COL4A1: variants seen among roughly 807,000 people sequenced by gnomAD.
COL4A1 encodes collagen alpha-1(IV) chain.
In COL4A1, 40 loss-of-function variants were observed where a neutral mutation model predicts 216.6. That is an observed-to-expected ratio of 0.18 (90% CI 0.14 to 0.24). The LOEUF (loss-of-function observed/expected upper bound fraction) is 0.24, where lower values mean the gene tolerates loss of function less well. COL4A1 is among the 10% of genes least tolerant of loss of function. COL4A1 has a pLI of 1.00. For synonymous variants in COL4A1, 839 were observed against 810.7 expected (o/e 1.03, Z -0.59); for missense variants, 1,628 against 2,196.8 (o/e 0.74, Z 5.18).
intron 2 of COL4A1, among the ~76,000 whole-genome samples, chr13:110,235,717 T>TAC (rs1371654948): frequency 1.3e-5 from 2 of 151,682 alleles, no homozygotes; most frequent in Non-Finnish European, 2.9e-5. Flanking sequence ...TAATTATTAT[T>TAC]CTTTAATAAT....
At chr13:110,289,730 A>AAT (rs1884008546) in intron 1 of COL4A1, among the ~76,000 whole-genome samples, 1 of 152,216 alleles carries the variant, frequency 6.6e-6, no homozygotes, top group African/African-American at 2.4e-5. Context: ...TTCAGGGCTA[A>AAT]ATACCAACAT....
intron 51 of COL4A1, 91 bp from the exon 52 acceptor site, chr13:110,150,535 G>C: frequency 7.7e-7 from 1 of 1,298,536 alleles, no homozygotes. Flanking sequence ...ATCTCTAAGG[G>C]ATCAGCCCAG....
chr13:110,298,605 C>G (rs903773515), intron 1 of COL4A1: 2 of 152,234 alleles, frequency 1.3e-5, no homozygotes, highest in African/African-American at 4.8e-5. Flanking sequence ...AACCACTAAC[C>G]TTCAACCGTC....
At chr13:110,169,821 C>G in intron 42 of COL4A1, 59 bp from the exon 43 acceptor site, 1 of 1,607,046 alleles carries the variant, frequency 6.2e-7, no homozygotes, top group Non-Finnish European at 8.5e-7. Context: ...TGTCCCTGGG[C>G]TGTGGGGCTA....
At position 110,294,521 on chromosome 13, in the gene COL4A1, A is replaced by G. The variant is rs373454306; in HGVS notation, c.84+12423T>C. 4.0e-4 allele frequency among the ~76,000 whole-genome samples: 61 copies of G among 152,352 alleles called. No individual in the cohort carries two copies. The East Asian group carries it at 7.9e-3, about 20-fold the overall frequency. ...GGCTAGCTGTACTTAATTCCCAGGGAAGAGAGAAGAGCTCTGCAAACCCAT... is the reference window on the plus strand; with the variant it reads ...GGCTAGCTGTACTTAATTCCCAGGGGAGAGAGAAGAGCTCTGCAAACCCAT... On this transcript the variant is annotated intron_variant, in intron 1 of 51. Transcript: ENST00000375820.
Position 110,150,105 on chromosome 13 carries a change from G to A in COL4A1, c.*258C>T. 3 of 509,158 alleles carry A rather than the reference G, an allele frequency of 5.9e-6. No homozygotes were observed. In the South Asian group the frequency reaches 6.0e-5, roughly 10 times the overall value. The allele number at this position is 509,158 out of a possible 1,614,324, so 31.5% of individuals were successfully genotyped here. On this transcript the variant is annotated 3_prime_UTR_variant, in exon 52 of 52. Transcript: ENST00000375820. ...ACTTCACACATCAGTGCATTGGATT[G>A]CAGAAAATATTGATATTTTATTTCA...
intron 1 of COL4A1, among the ~76,000 whole-genome samples, chr13:110,271,729 G>A (rs1883252126): frequency 6.6e-6 from 1 of 152,104 alleles, no homozygotes; most frequent in African/African-American, 2.4e-5. Flanking sequence ...GACACCGATG[G>A]GACAAAGGGC....
chr13:110,201,753 G>A (rs1044326162), intron 18 of COL4A1: 3 of 677,434 alleles, frequency 4.4e-6, no homozygotes, highest in African/African-American at 3.5e-5. Flanking sequence ...GGAGGCTGAG[G>A]CAGGTGGATC....
intron 44 of COL4A1, 87 bp downstream of exon 44, chr13:110,167,071 T>C (rs1877378343): frequency 1.9e-6 from 2 of 1,028,176 alleles, no homozygotes; most frequent in Admixed American, 3.4e-5. Flanking sequence ...AGCGGTGCTA[T>C]CAGTGCTAAG....
intron 21 of COL4A1, among the ~76,000 whole-genome samples, chr13:110,198,078 GGTGTGTGTGTGTGTGT>G (rs35751015): frequency 7.1e-6 from 1 of 141,842 alleles, no homozygotes; most frequent in Admixed American, 7.0e-5. Context: ...TTGTTTCTGG[GGTGTGTGTGTGTGTGT>G]GTGTGTGTGT....
chr13:110,149,661 G>T lies in COL4A1; in HGVS notation c.*702C>A, dbSNP rs568638168. 9 of 152,468 alleles carry T rather than the reference G, an allele frequency of 5.9e-5. 1 individual carries two copies. In the South Asian group the frequency reaches 1.9e-3, roughly 32 times the overall value. The allele number at this position is 152,468 out of a possible 1,614,324, so 9.4% of individuals were successfully genotyped here. A position where few individuals can be genotyped will look rare whatever the true frequency, so the allele number is the denominator to read the frequency against. ...ACTATGTAAGCTTTATTTTAACAGT[G>T]GAAGTTAAACTAAACCTTGATCTGC... On this transcript the variant is annotated 3_prime_UTR_variant, in exon 52 of 52. Transcript: ENST00000375820.
At chr13:110,191,501 C>T (rs375217076) in intron 24 of COL4A1, 1 of 473,272 alleles carries the variant, frequency 2.1e-6, no homozygotes, top group African/African-American at 2.0e-5. Flanking sequence ...AAATAATGTC[C>T]TTCAAAATTC....
chr13:110,259,229 G>A (rs1003456084), intron 1 of COL4A1, among the ~76,000 whole-genome samples: 3 of 152,168 alleles, frequency 2.0e-5, no homozygotes, highest in Admixed American at 6.5e-5. Context: ...CTCCTCTTCC[G>A]TCTAGCCTTA....
chr13:110,194,338 G>A (rs554381192), intron 22 of COL4A1, among the ~76,000 whole-genome samples: 1 of 152,332 alleles, frequency 6.6e-6, no homozygotes, highest in East Asian at 1.9e-4. Flanking sequence ...GTTGATTTGA[G>A]GGACAGCCTC....
At chr13:110,306,753 G>T (rs903249715) in intron 1 of COL4A1, among the ~76,000 whole-genome samples, 191 bp downstream of exon 1, 1 of 152,210 alleles carries the variant, frequency 6.6e-6, no homozygotes, top group Non-Finnish European at 1.5e-5. Context: ...TAACAAAGGA[G>T]GCTCGGTCCA....
In COL4A1 at chr13:110,150,231, A is replaced by G. The variant is rs2138415255; in HGVS notation, c.*132T>C. 1 of 862,986 alleles carries G rather than the reference A, an allele frequency of 1.2e-6. No homozygotes were observed. The highest frequency in any genetic ancestry group is 1.4e-5 in the South Asian group (1 of 70,008). The allele number at this position is 862,986 out of a possible 1,614,324, so 53.5% of individuals were successfully genotyped here. On this transcript the variant is annotated 3_prime_UTR_variant, in exon 52 of 52. Coordinates refer to ENST00000375820, the MANE Select transcript of COL4A1 (RefSeq NM_001845.6). ...GAAGCAGGGTGTGTTAGTTACGCAAATTCCTATAAGGCACTTTACGGTTTT... is the reference window on the plus strand; with the variant it reads ...GAAGCAGGGTGTGTTAGTTACGCAAGTTCCTATAAGGCACTTTACGGTTTT...
At chr13:110,242,767 G>C in intron 1 of COL4A1, 33 bp from the exon 2 acceptor site, 1 of 1,611,638 alleles carries the variant, frequency 6.2e-7, no homozygotes, top group Non-Finnish European at 8.5e-7. Context: ...TTAAATAGAA[G>C]AACACTTTCA....
chr13:110,225,727 C>T (rs1221916335), intron 2 of COL4A1, among the ~76,000 whole-genome samples: 1 of 152,186 alleles, frequency 6.6e-6, no homozygotes, highest in Non-Finnish European at 1.5e-5. Context: ...ACCTGCACTC[C>T]GGGTGAGCAC....
intron 1 of COL4A1, among the ~76,000 whole-genome samples, chr13:110,274,410 G>T (rs1298032328): frequency 6.6e-6 from 1 of 152,106 alleles, no homozygotes; most frequent in East Asian, 1.9e-4. Flanking sequence ...AGAGAAACAG[G>T]TGATCAAATC....
Sources: gnomAD v4.1 joint callset for allele counts (sites outside exome capture counted in the v4.1 genomes callset) on GRCh38, gnomAD v4.1.1 for gene constraint, MANE v1.5 for transcripts, NCBI Gene and HGNC (gene_info 2026-07-23, HGNC 2026-07-21) for gene names.